The following TRIM5 variants were observed in gnomAD, a reference collection of about 807,000 sequenced individuals.
TRIM5 encodes the protein tripartite motif-containing protein 5.
Under a neutral mutation model 35.6 loss-of-function variants are expected in TRIM5, and 31 were observed. That is an observed-to-expected ratio of 0.87 (90% CI 0.65 to 1.18). The LOEUF is 1.18. TRIM5 is among the 50% of genes most tolerant of loss of function. TRIM5 has a pLI of 0.00. For synonymous variants in TRIM5, 243 were observed against 215.6 expected, an observed-to-expected ratio of 1.13 and a Z score of -1.11; for missense variants, 609 against 591.6, an observed-to-expected ratio of 1.03 and a Z score of -0.31.
At chr11:5,653,782 C>T in the TRIM5 span, among the ~76,000 whole-genome samples, 66,626 of 151,904 alleles carry the variant, frequency 0.44, 15,283 homozygotes, top group Non-Finnish European at 0.5. Context: ...TGAGCCACCA[C>T]GCCCGGCTAA....
chr11:5,661,701 G>A (rs922647128), downstream of TRIM5, among the ~76,000 whole-genome samples: 1 of 152,136 alleles, frequency 6.6e-6, no homozygotes, highest in East Asian at 1.9e-4. Flanking sequence ...CACAGTTGAC[G>A]TCCATTAGCC....
chr11:5,665,216 G>T lies in TRIM5; in HGVS notation c.1075C>A (p.His359Asn), dbSNP rs775724276. ...TTGGACACGTCTACCTCCCAGTAATGTTTCCCTGATGTGATACTTTGAGAG... is the reference window on the plus strand; with the variant it reads ...TTGGACACGTCTACCTCCCAGTAATTTTTCCCTGATGTGATACTTTGAGAG... ...LGSQSITSGK[H>N]YWEVDVSKKT... Residue 359 changes from histidine (H) to asparagine (N), a missense_variant, in exon 8 of 8, where the codon CAT becomes AAT. By Grantham distance (68) the His-to-Asn change is moderately conservative. Coordinates refer to ENST00000380034, the MANE Select transcript of TRIM5 (RefSeq NM_033034.3). The T allele has an allele frequency of 6.2e-7, 1 of 1,614,118 alleles. No homozygotes were observed. The highest frequency in any genetic ancestry group is 8.5e-7 in the Non-Finnish European group (1 of 1,180,000).
Position 5,664,616 on chromosome 11 carries a change from A to C in TRIM5, c.*193T>G, listed in dbSNP as rs1850984388. ...AAAATGATGAAAAAAATTGCTATCA[A>C]ATGTCAATAAAATATTGGGGACAAT... On this transcript the variant is annotated 3_prime_UTR_variant, in exon 8 of 8. Coordinates refer to ENST00000380034, the MANE Select transcript of TRIM5 (RefSeq NM_033034.3). 7.6e-7 allele frequency: 1 copy of C among 1,319,870 alleles called. No individual in the cohort carries two copies. The highest frequency in any genetic ancestry group is 1.5e-5 in the African/African-American group (1 of 67,036). The allele number at this position is 1,319,870 out of a possible 1,614,324, so 81.8% of individuals were successfully genotyped here. A position where few individuals can be genotyped will look rare whatever the true frequency, so the allele number is the denominator to read the frequency against.
At chr11:5,671,259 T>C (rs1338283243) in intron 4 of TRIM5, among the ~76,000 whole-genome samples, 1 of 149,398 alleles carries the variant, frequency 6.7e-6, no homozygotes, top group Non-Finnish European at 1.5e-5. Context: ...AAGAAATGTG[T>C]ACACATACAA....
At position 5,664,834 on chromosome 11, in the gene TRIM5, A is replaced by G. The variant is rs751375845; in HGVS notation, c.1457T>C (p.Met486Thr). 10 of 1,605,832 alleles carry G rather than the reference A, an allele frequency of 6.2e-6. 1 individual carries two copies. Among genetic ancestry groups the G allele is most frequent in the Admixed American group, 5.0e-5 (3 of 59,440 alleles). ...YLNPRKCGVP[M>T]TLCSPSS ...TCAAGAGCTTGGTGAGCACAGAGTC[A>G]TGGGGACTCCACATTTTCTAGGATT... The change falls in exon 8 of 8, where the codon ATG becomes ACG. Residue 486 changes from methionine (M) to threonine (T), a missense_variant. Transcript: ENST00000380034.
the TRIM5 span, among the ~76,000 whole-genome samples, chr11:5,647,955 A>C: frequency 1.3e-5 from 2 of 152,086 alleles, no homozygotes; most frequent in Non-Finnish European, 2.9e-5. Context: ...CACCACCCAA[A>C]TTTTATACCA....
At chr11:5,681,221 C>G (rs1179596207) in intron 1 of TRIM5, among the ~76,000 whole-genome samples, 1 of 152,158 alleles carries the variant, frequency 6.6e-6, no homozygotes, top group East Asian at 1.9e-4. Context: ...TGAGATGATT[C>G]TGTTCCCGGA....
the TRIM5 span, among the ~76,000 whole-genome samples, chr11:5,606,998 T>C: frequency 1.3e-5 from 2 of 152,070 alleles, no homozygotes; most frequent in African/African-American, 4.8e-5. Flanking sequence ...GGTCAGGAGA[T>C]TGAGACCATC....
At chr11:5,657,627 CATT>C in the TRIM5 span, among the ~76,000 whole-genome samples, 1 of 86,866 alleles carries the variant, frequency 1.2e-5, no homozygotes, top group East Asian at 7.2e-4. Flanking sequence ...ATATATAATG[CATT>C]ATATATATTA....
In TRIM5 at chr11:5,664,344, T is replaced by C; in HGVS notation, c.*465A>G. 1.0e-6 allele frequency: 1 copy of C among 991,560 alleles called. No homozygotes were observed. The highest frequency in any genetic ancestry group is 1.7e-5 in the African/African-American group (1 of 57,324). 61.4% of individuals were successfully genotyped at this position (991,560 alleles called of 1,614,324 possible). A position where few individuals can be genotyped will look rare whatever the true frequency, so the allele number is the denominator to read the frequency against. ...GATACAAAACCTCTATACTTAAGAGTATACCATTTATGATATTTTCTCTTT... is the reference window on the plus strand; with the variant it reads ...GATACAAAACCTCTATACTTAAGAGCATACCATTTATGATATTTTCTCTTT... On this transcript the variant is annotated 3_prime_UTR_variant, in exon 8 of 8. Coordinates refer to ENST00000380034, the MANE Select transcript of TRIM5 (RefSeq NM_033034.3).
At position 5,664,835 on chromosome 11, in the gene TRIM5, T is replaced by C. The variant is rs759389768; in HGVS notation, c.1456A>G (p.Met486Val). The C allele has an allele frequency of 1.8e-5, 29 of 1,606,202 alleles. No homozygotes were observed. In the Admixed American group the frequency reaches 2.5e-4, roughly 14 times the overall value. Residue 486 changes from methionine to valine, a missense_variant, in exon 8 of 8, where the codon ATG (methionine) becomes GTG (valine). Met to Val is a conservative substitution (Grantham distance 21). Coordinates refer to ENST00000380034, the MANE Select transcript of TRIM5 (RefSeq NM_033034.3). Reference protein sequence around the residue: ...YLNPRKCGVPMTLCSPSS With the variant: ...YLNPRKCGVPVTLCSPSS ...CAAGAGCTTGGTGAGCACAGAGTCA[T>C]GGGGACTCCACATTTTCTAGGATTT...
intron 3 of TRIM5, 78 bp from the exon 4 acceptor site, chr11:5,678,512 T>C (rs1220247960): frequency 6.5e-6 from 8 of 1,237,150 alleles, no homozygotes; most frequent in African/African-American, 6.1e-5. Flanking sequence ...GCTGTTTCTT[T>C]TGGGGAGTTC....
chr11:5,664,380 T>TA lies in TRIM5; in HGVS notation c.*428dup. The TA allele has an allele frequency of 1.0e-6, 1 of 995,010 alleles. No homozygotes were observed. Among genetic ancestry groups the TA allele is most frequent in the South Asian group, 4.5e-5 (1 of 22,390 alleles). 61.6% of individuals were successfully genotyped at this position (995,010 alleles called of 1,614,324 possible). ...TGATATTTTCTCTTTAACTCACAAA[T>TA]AAGGGCATCGAGGGTAAACTGACAC... On this transcript the variant is annotated 3_prime_UTR_variant, in exon 8 of 8. Coordinates refer to ENST00000380034, the MANE Select transcript of TRIM5 (RefSeq NM_033034.3).
At chr11:5,655,413 C>T in the TRIM5 span, among the ~76,000 whole-genome samples, 1 of 152,010 alleles carries the variant, frequency 6.6e-6, no homozygotes, top group African/African-American at 2.4e-5. Flanking sequence ...TTCACTCAAC[C>T]AAGAAACTGA....
At chr11:5,597,652 C>T in the TRIM5 span, among the ~76,000 whole-genome samples, 75,407 of 151,954 alleles carry the variant, frequency 0.5, 19,136 homozygotes, top group Middle Eastern at 0.71. Context: ...TGGACGGGCC[C>T]GCTCTGTCAT....
chr11:5,593,532 A>ATT, the TRIM5 span, among the ~76,000 whole-genome samples: 1 of 151,846 alleles, frequency 6.6e-6, no homozygotes, highest in East Asian at 1.9e-4. Flanking sequence ...CTGAGTTTGT[A>ATT]TTTTTTTTAT....
the TRIM5 span, among the ~76,000 whole-genome samples, chr11:5,595,798 T>C: frequency 1.3e-5 from 2 of 151,754 alleles, no homozygotes; most frequent in Admixed American, 1.3e-4. Flanking sequence ...GTTCAAGCGA[T>C]TCTCCTGCCT....
the TRIM5 span, chr11:5,596,697 G>A: frequency 3.9e-6 from 3 of 765,978 alleles, no homozygotes; most frequent in Non-Finnish European, 4.2e-6. Flanking sequence ...TCCGTTCAAC[G>A]GCCAAAGGCT....
the TRIM5 span, among the ~76,000 whole-genome samples, chr11:5,630,486 C>T: frequency 6.6e-6 from 1 of 152,200 alleles, no homozygotes; most frequent in Non-Finnish European, 1.5e-5. Flanking sequence ...CCTCTAGGCT[C>T]ATGTGAGGCC....
Sources: allele counts gnomAD v4.1 joint callset (sites outside exome capture counted in the v4.1 genomes callset), GRCh38; gene constraint gnomAD v4.1.1; transcripts MANE v1.5; gene names NCBI Gene and HGNC (gene_info 2026-07-23, HGNC 2026-07-21).